KIRREL1: variants seen among roughly 807,000 people sequenced by gnomAD.
The protein encoded by KIRREL1 is kin of IRRE-like protein 1.
Under a neutral mutation model 83.3 loss-of-function variants are expected in KIRREL1, and 25 were observed. The ratio of observed to expected loss-of-function variants is 0.30; its 90% CI spans 0.22 to 0.42. KIRREL1 has a LOEUF of 0.42. KIRREL1 is among the 10% of genes least tolerant of loss of function. The pLI is 1.00. For missense variants in KIRREL1, 812 were observed against 1,032.3 expected, an observed-to-expected ratio of 0.79 and a Z score of 2.92; for synonymous variants, 388 against 410.4, an observed-to-expected ratio of 0.95 and a Z score of 0.66.
chr1:157,994,766 G>C (rs538586943), intron 1 of KIRREL1, among the ~76,000 whole-genome samples: 1 of 152,116 alleles, frequency 6.6e-6, no homozygotes, highest in East Asian at 1.9e-4. Flanking sequence ...CACTGAGACA[G>C]ACTACTCACC....
chr1:157,996,122 T>C (rs1315648666), intron 1 of KIRREL1, among the ~76,000 whole-genome samples: 1 of 151,146 alleles, frequency 6.6e-6, no homozygotes, highest in Non-Finnish European at 1.5e-5. Flanking sequence ...AGCCATAGAA[T>C]TGAGGGGAGC....
intron 1 of KIRREL1, among the ~76,000 whole-genome samples, chr1:158,007,910 C>T (rs996259134): frequency 3.3e-5 from 5 of 152,044 alleles, no homozygotes; most frequent in Admixed American, 3.3e-4. Context: ...GTGAAGTGCG[C>T]CCTGCTCCTG....
intron 1 of KIRREL1, among the ~76,000 whole-genome samples, chr1:158,023,236 C>G (rs1571544142): frequency 6.6e-6 from 1 of 152,102 alleles, no homozygotes; most frequent in Non-Finnish European, 1.5e-5. Context: ...CTGGGCCATG[C>G]CTTATCATTC....
intron 1 of KIRREL1, among the ~76,000 whole-genome samples, chr1:158,056,509 G>C (rs767646265): frequency 2.0e-5 from 3 of 152,166 alleles, no homozygotes; most frequent in Non-Finnish European, 4.4e-5. Context: ...CAGGTTGGCT[G>C]TCTTGCCTGG....
At chr1:158,047,255 A>G (rs1455826143) in intron 1 of KIRREL1, among the ~76,000 whole-genome samples, 1 of 152,210 alleles carries the variant, frequency 6.6e-6, no homozygotes, top group Non-Finnish European at 1.5e-5. Flanking sequence ...ACACTGGCCT[A>G]GGCACCAGGG....
intron 3 of KIRREL1, among the ~76,000 whole-genome samples, chr1:158,080,864 C>T (rs568552609): frequency 6.6e-6 from 1 of 152,364 alleles, no homozygotes; most frequent in East Asian, 1.9e-4. Context: ...TGCATCCCTT[C>T]CTGCGTACCT....
chr1:158,070,266 G>A (rs1018548966), intron 1 of KIRREL1, among the ~76,000 whole-genome samples: 5 of 152,150 alleles, frequency 3.3e-5, no homozygotes, highest in South Asian at 2.1e-4. Flanking sequence ...AGAGACACCC[G>A]GGATATCCCT....
At chr1:158,021,770 T>C (rs1478756645) in intron 1 of KIRREL1, among the ~76,000 whole-genome samples, 1 of 151,814 alleles carries the variant, frequency 6.6e-6, no homozygotes, top group Non-Finnish European at 1.5e-5. Flanking sequence ...ACAAAAGGGG[T>C]TTTTTTGGTT....
chr1:158,067,001 G>A (rs1376945738), intron 1 of KIRREL1, among the ~76,000 whole-genome samples: 1 of 152,136 alleles, frequency 6.6e-6, no homozygotes, highest in Non-Finnish European at 1.5e-5. Context: ...CCATGCCATT[G>A]TCCTTCCCAT....
At chr1:158,070,613 T>G (rs1661484208) in intron 1 of KIRREL1, among the ~76,000 whole-genome samples, 2 of 152,174 alleles carry the variant, frequency 1.3e-5, no homozygotes, top group Non-Finnish European at 2.9e-5. Flanking sequence ...GATAAAGTGT[T>G]ATAACCAGAG....
intron 1 of KIRREL1, among the ~76,000 whole-genome samples, chr1:157,994,661 C>G (rs1659142321): frequency 6.6e-6 from 1 of 151,992 alleles, no homozygotes; most frequent in Admixed American, 6.6e-5. Flanking sequence ...AGGTCTGACT[C>G]TAAGGAAGAC....
At chr1:158,063,777 C>T (rs1215093662) in intron 1 of KIRREL1, among the ~76,000 whole-genome samples, 2 of 152,192 alleles carry the variant, frequency 1.3e-5, no homozygotes, top group Non-Finnish European at 2.9e-5. Context: ...ACTCATCCCT[C>T]GGATCTTGTC....
intron 3 of KIRREL1, among the ~76,000 whole-genome samples, chr1:158,079,093 T>C (rs575587126): frequency 2.0e-5 from 3 of 152,332 alleles, no homozygotes; most frequent in Admixed American, 2.0e-4. Context: ...TGTCTTGGGC[T>C]TGGACTCTGT....
At chr1:158,065,606 G>A (rs909070572) in intron 1 of KIRREL1, among the ~76,000 whole-genome samples, 1 of 152,120 alleles carries the variant, frequency 6.6e-6, no homozygotes, top group Non-Finnish European at 1.5e-5. Flanking sequence ...GCCAGCCTTG[G>A]TTTGTGGGGA....
At chr1:158,031,986 G>A (rs1660338871) in intron 1 of KIRREL1, among the ~76,000 whole-genome samples, 1 of 152,144 alleles carries the variant, frequency 6.6e-6, no homozygotes. Context: ...GAGAGGCCAA[G>A]GTGGAAGGAT....
rs1304346819 is a variant in KIRREL1 at position 158,067,392 on chromosome 1, G to T, written c.53-8721G>T. 2.0e-5 allele frequency among the ~76,000 whole-genome samples: 3 copies of T among 152,178 alleles called. No individual in the cohort carries two copies. The East Asian group carries it at 5.8e-4, about 29-fold the overall frequency. On this transcript the variant is annotated intron_variant, in intron 1 of 14. Transcript: ENST00000359209. Reference sequence around the variant, plus strand: ...CAGACCTCCCTCCACATCCCTGCAGGATGAGGGAGGAAACGCCCCAGGGAG... The same window carrying T: ...CAGACCTCCCTCCACATCCCTGCAGTATGAGGGAGGAAACGCCCCAGGGAG...
At chr1:157,994,771 C>T (rs1189996116) in intron 1 of KIRREL1, among the ~76,000 whole-genome samples, 1 of 152,090 alleles carries the variant, frequency 6.6e-6, no homozygotes, top group African/African-American at 2.4e-5. Context: ...AGACAGACTA[C>T]TCACCTACTG....
intron 1 of KIRREL1, among the ~76,000 whole-genome samples, chr1:158,014,339 G>A (rs1320231248): frequency 6.6e-6 from 1 of 152,146 alleles, no homozygotes; most frequent in Non-Finnish European, 1.5e-5. Context: ...TAGAGAGCTT[G>A]TGAAGCCATG....
Position 158,029,413 on chromosome 1 carries a change from G to A in KIRREL1, c.52+35685G>A, listed in dbSNP as rs145116856. 2.2e-3 allele frequency among the ~76,000 whole-genome samples: 317 copies of A among 146,572 alleles called. 3 individuals carry two copies. Among genetic ancestry groups the A allele is most frequent in the Admixed American group, 0.013 (184 of 14,604 alleles). On this transcript the variant is annotated intron_variant, in intron 1 of 14. Transcript: ENST00000359209. The stretch of plus-strand genomic sequence containing the variant: ...CATGCATGCATGTGCATATATGCAC[G>A]TATGTATAATGCACATAAAATATGT...
Sources: gnomAD v4.1 joint callset for allele counts (sites outside exome capture counted in the v4.1 genomes callset) on GRCh38, gnomAD v4.1.1 for gene constraint, MANE v1.5 for transcripts, NCBI Gene and HGNC (gene_info 2026-07-23, HGNC 2026-07-21) for gene names.